TTC28: variants seen among roughly 807,000 people sequenced by gnomAD.
TTC28 encodes tetratricopeptide repeat domain 28.
TTC28 carries 61 observed loss-of-function variants against 198.0 expected under a neutral mutation model. The observed-to-expected ratio is 0.31, with a 90% CI of 0.25 to 0.38. The LOEUF is 0.38. Among genes scored for constraint, TTC28 ranks in the 10% least tolerant of loss-of-function variants. The pLI is 1.00. For synonymous variants in TTC28, 1,171 were observed against 1,297.8 expected (o/e 0.90, Z 2.10); for missense variants, 2,678 against 3,164.0 (o/e 0.85, Z 3.69).
intron 12 of TTC28, among the ~76,000 whole-genome samples, chr22:28,052,186 T>C (rs1472157245): frequency 6.6e-6 from 1 of 152,212 alleles, no homozygotes; most frequent in Non-Finnish European, 1.5e-5. Context: ...GTACCATATA[T>C]GTGCGGAACA....
chr22:28,034,610 C>T (rs951790404), intron 12 of TTC28, among the ~76,000 whole-genome samples: 1 of 152,206 alleles, frequency 6.6e-6, no homozygotes, highest in Non-Finnish European at 1.5e-5. Context: ...CTGGCTGGAC[C>T]CTGCCCTAGT....
intron 2 of TTC28, among the ~76,000 whole-genome samples, chr22:28,489,424 C>T (rs1319890128): frequency 6.6e-6 from 1 of 152,126 alleles, no homozygotes; most frequent in African/African-American, 2.4e-5. Context: ...TCAAAAATCT[C>T]ACCCTGAAAG....
chr22:28,211,934 C>T (rs943211411), intron 5 of TTC28, among the ~76,000 whole-genome samples: 3 of 152,132 alleles, frequency 2.0e-5, no homozygotes, highest in Non-Finnish European at 4.4e-5. Flanking sequence ...AACTCTCAGA[C>T]CACAGTGCAA....
intron 5 of TTC28, among the ~76,000 whole-genome samples, chr22:28,242,579 A>G (rs1929732890): frequency 6.6e-6 from 1 of 152,232 alleles, no homozygotes; most frequent in South Asian, 2.1e-4. Context: ...ATTATTTTAC[A>G]GAACTCTAAG....
intron 2 of TTC28, among the ~76,000 whole-genome samples, chr22:28,454,256 C>T (rs1158766614): frequency 6.6e-6 from 1 of 152,184 alleles, no homozygotes; most frequent in African/African-American, 2.4e-5. Flanking sequence ...CATCCAATAG[C>T]TTATAAGCTC....
At position 28,629,698 on chromosome 22, in the gene TTC28, C is replaced by T. The variant is rs1306597530; in HGVS notation, c.235G>A (p.Val79Ile). 3 of 1,551,670 alleles carry T rather than the reference C, an allele frequency of 1.9e-6. No individual in the cohort carries two copies. The highest frequency in any genetic ancestry group is 4.9e-5 in the East Asian group (2 of 40,918). ...CHDGDFHTAI[V>I]LYNEALAVDP... Reference sequence around the variant, plus strand: ...ACAGCCAGGGCTTCATTATACAGAACAATAGCTGTGTGGAAATCTCCATCA... The same window carrying T: ...ACAGCCAGGGCTTCATTATACAGAATAATAGCTGTGTGGAAATCTCCATCA... The change falls in exon 2 of 23, where the codon GTT (valine) becomes ATT (isoleucine). Residue 79 changes from valine (V) to isoleucine (I), a missense_variant. Physicochemically the swap from Val to Ile is conservative, Grantham distance 29. Coordinates refer to ENST00000397906, the MANE Select transcript of TTC28 (RefSeq NM_001145418.2).
chr22:28,615,222 G>A (rs552931227), intron 2 of TTC28, among the ~76,000 whole-genome samples: 2 of 152,234 alleles, frequency 1.3e-5, no homozygotes, highest in African/African-American at 4.8e-5. Flanking sequence ...CTGGCCATCA[G>A]AGAAATGCAA....
In TTC28 at chr22:28,452,389, C is replaced by CAAAAA. The variant is rs71194768; in HGVS notation, c.382-145751_382-145747dup. Among the ~76,000 whole-genome samples the CAAAAA allele has an allele frequency of 1.9e-3, 80 of 43,238 alleles. 5 individuals carry two copies. Among genetic ancestry groups the CAAAAA allele is most frequent in the African/African-American group, 4.3e-3 (46 of 10,658 alleles). 28.4% of individuals were successfully genotyped at this position (43,238 alleles called of 152,430 possible). A position where few individuals can be genotyped will look rare whatever the true frequency, so the allele number is the denominator to read the frequency against. Reference sequence around the variant, plus strand: ...TGGGCAACAGAGCGAGATTCCATCTCAAAAAAAAAAAAAAAAAAAAAAAAA... The same window carrying CAAAAA: ...TGGGCAACAGAGCGAGATTCCATCTCAAAAAAAAAAAAAAAAAAAAAAAAAAAAAA... On this transcript the variant is annotated intron_variant, in intron 2 of 22. Coordinates refer to ENST00000397906, the MANE Select transcript of TTC28 (RefSeq NM_001145418.2).
At chr22:28,421,259 C>T (rs1038406704) in intron 2 of TTC28, among the ~76,000 whole-genome samples, 1 of 152,086 alleles carries the variant, frequency 6.6e-6, no homozygotes, top group African/African-American at 2.4e-5. Flanking sequence ...TCCAAAGGCA[C>T]GCGTAACAGA....
intron 5 of TTC28, among the ~76,000 whole-genome samples, chr22:28,198,161 T>C (rs1026607645): frequency 7.2e-5 from 11 of 152,274 alleles, no homozygotes; most frequent in African/African-American, 2.6e-4. Context: ...TTTTCAACTT[T>C]GGCATTACTG....
At chr22:28,254,117 A>T (rs982214428) in intron 5 of TTC28, among the ~76,000 whole-genome samples, 1 of 151,456 alleles carries the variant, frequency 6.6e-6, no homozygotes, top group African/African-American at 2.4e-5. Flanking sequence ...AAAAAAAAAA[A>T]GGAAAAAAAA....
intron 2 of TTC28, among the ~76,000 whole-genome samples, chr22:28,628,352 T>C (rs549294321): frequency 6.6e-6 from 1 of 152,332 alleles, no homozygotes; most frequent in African/African-American, 2.4e-5. Context: ...ATTTAAGGTA[T>C]ACAACATGAT....
intron 5 of TTC28, among the ~76,000 whole-genome samples, chr22:28,201,401 CTT>C (rs1368463364): frequency 6.6e-6 from 1 of 152,056 alleles, no homozygotes; most frequent in Non-Finnish European, 1.5e-5. Flanking sequence ...AGCAAGAAGA[CTT>C]AACCTTCTTA....
chr22:28,466,025 A>G (rs1015414826), intron 2 of TTC28, among the ~76,000 whole-genome samples: 1 of 152,218 alleles, frequency 6.6e-6, no homozygotes, highest in African/African-American at 2.4e-5. Flanking sequence ...TACTAGCTGT[A>G]AAGTTGGAAA....
chr22:28,112,074 T>C (rs1015231481), intron 6 of TTC28, among the ~76,000 whole-genome samples: 1 of 152,202 alleles, frequency 6.6e-6, no homozygotes, highest in Admixed American at 6.5e-5. Flanking sequence ...ACTCAATACC[T>C]CTGAGCCTTT....
chr22:28,144,633 C>G (rs1475116890), intron 6 of TTC28, among the ~76,000 whole-genome samples: 2 of 152,202 alleles, frequency 1.3e-5, no homozygotes, highest in African/African-American at 2.4e-5. Flanking sequence ...GTAATAACAG[C>G]AGTACCATTT....
chr22:28,651,788 C>T (rs2051568475), intron 1 of TTC28, among the ~76,000 whole-genome samples: 1 of 152,096 alleles, frequency 6.6e-6, no homozygotes, highest in African/African-American at 2.4e-5. Flanking sequence ...AGACAGCTAA[C>T]TGAGAAAATA....
At chr22:28,162,453 C>G (rs112521391) in intron 6 of TTC28, among the ~76,000 whole-genome samples, 3 of 152,342 alleles carry the variant, frequency 2.0e-5, no homozygotes, top group African/African-American at 7.2e-5. Context: ...AGCAGCTTCT[C>G]TTTCATTTAA....
At chr22:28,431,976 TTAAAA>T (rs552214920) in intron 2 of TTC28, among the ~76,000 whole-genome samples, 2 of 149,636 alleles carry the variant, frequency 1.3e-5, no homozygotes, top group Non-Finnish European at 3.0e-5. Context: ...AGACTCTGTC[TTAAAA>T]TAAAATAAAA....
Sources: gnomAD v4.1 joint callset for allele counts (sites outside exome capture counted in the v4.1 genomes callset) on GRCh38, gnomAD v4.1.1 for gene constraint, MANE v1.5 for transcripts, NCBI Gene and HGNC (gene_info 2026-07-23, HGNC 2026-07-21) for gene names.